PLPPR2: variants seen among roughly 807,000 people sequenced by gnomAD.
PLPPR2 encodes phospholipid phosphatase related 2.
A neutral mutation model predicts 40.3 loss-of-function variants in PLPPR2; 11 were observed. The observed-to-expected ratio is 0.27, with a 90% confidence interval of 0.17 to 0.45. The LOEUF (loss-of-function observed/expected upper bound fraction) is 0.45. PLPPR2 is among the 20% of genes least tolerant of loss of function. The pLI is 1.00. For missense variants in PLPPR2, 497 were observed against 640.7 expected, an observed-to-expected ratio of 0.78 and a Z score of 2.42; for synonymous variants, 260 against 290.8, an observed-to-expected ratio of 0.89 and a Z score of 1.08.
chr19:11,360,720 C>T (rs1968019236), intron 5 of PLPPR2, among the ~76,000 whole-genome samples: 1 of 151,976 alleles, frequency 6.6e-6, no homozygotes, highest in South Asian at 2.1e-4. Context: ...CAAGTAGTGG[C>T]TGTGGGAAAG....
Position 11,359,924 on chromosome 19 carries a change from G to GC in PLPPR2, c.365dup (p.Val123SerfsTer65), listed in dbSNP as rs1171931260. ...GTGTCTGGGGCCTGCTGCCGCTTCA[G>GC]CCCCCCAGTGCGGAGGCTGGTCCGC... On this transcript the variant is annotated frameshift_variant, in exon 5 of 10. Transcript: ENST00000688289. LOFTEE classifies it high-confidence loss of function. The surrounding 1 kb of genome is among the most constrained non-coding windows in gnomAD (Gnocchi z 5.6). The GC allele has an allele frequency of 6.2e-7, 1 of 1,611,746 alleles. No homozygotes were observed.
rs1968070700 is a variant in PLPPR2, at chr19:11,362,328, C to CA, written c.664-185_664-184insA. 1.7e-6 allele frequency: 1 copy of CA among 582,228 alleles called. No individual in the cohort carries two copies. The allele number at this position is 582,228 out of a possible 1,614,324, so 36.1% of individuals were successfully genotyped here. On this transcript the variant is annotated intron_variant, in intron 6 of 9. Coordinates refer to ENST00000688289, the MANE Select transcript of PLPPR2 (RefSeq NM_001393892.1). This position sits in a 1 kb window ranked among gnomAD's most constrained non-coding sequence, Gnocchi z 5.3. ...AAGACCTCAATCCCTGACCCCCCCC[C>CA]CTTTGCCTTTTTGGTCACGCTCCCT... is the stretch of plus-strand genomic sequence containing the variant.
In PLPPR2 at chr19:11,364,702, C is replaced by T; in HGVS notation, c.*12C>T. On this transcript the variant is annotated 3_prime_UTR_variant, in exon 10 of 10. Coordinates refer to ENST00000688289, the MANE Select transcript of PLPPR2 (RefSeq NM_001393892.1). This position sits in a 1 kb window ranked among gnomAD's most constrained non-coding sequence, Gnocchi z 5.8. ...ACCACCTGCTGTGAGGCCCGACCAC[C>T]CACCCAGAATCTGCCCAGTCCCCAC... The T allele has an allele frequency of 6.5e-7, 1 of 1,537,126 alleles. No individual in the cohort carries two copies. The highest frequency in any genetic ancestry group is 8.7e-7 in the Non-Finnish European group (1 of 1,146,828).
chr19:11,364,879 C>A lies in PLPPR2; in HGVS notation c.*189C>A, dbSNP rs918275680. 4.7e-5 allele frequency: 32 copies of A among 687,982 alleles called. No individual in the cohort carries two copies. The highest frequency in any genetic ancestry group is 6.8e-5 in the Non-Finnish European group (28 of 411,582). 42.6% of individuals were successfully genotyped at this position (687,982 alleles called of 1,614,324 possible). A position where few individuals can be genotyped will look rare whatever the true frequency, so the allele number is the denominator to read the frequency against. ...GCCCTCTGAGATATCCCGATGGGCA[C>A]AAATGGAAGGTGCGCACTTGCCCCT... On this transcript the variant is annotated 3_prime_UTR_variant, in exon 10 of 10. Transcript: ENST00000688289. The surrounding 1 kb of genome is among the most constrained non-coding windows in gnomAD (Gnocchi z 5.8).
rs367995460 is a variant in PLPPR2 at position 11,359,812 on chromosome 19, T to C, written c.256-9T>C. ...AGGCCAGAAGACTCCATCTTGGTCT[T>C]GCCCACAGATCCTGCTGGGAGAGCT... On this transcript the variant is annotated splice_polypyrimidine_tract_variant and intron_variant, in intron 4 of 9. Transcript: ENST00000688289. The surrounding 1 kb of genome is among the most constrained non-coding windows in gnomAD (Gnocchi z 5.6). 3.6e-5 allele frequency: 58 copies of C among 1,607,774 alleles called. No homozygotes were observed. The highest frequency in any genetic ancestry group is 4.7e-5 in the Non-Finnish European group (55 of 1,175,698).
At chr19:11,356,120 T>C (rs1056298815) in intron 1 of PLPPR2, among the ~76,000 whole-genome samples, 1 of 151,980 alleles carries the variant, frequency 6.6e-6, no homozygotes, top group African/African-American at 2.4e-5. Flanking sequence ...GGTCGTGCGC[T>C]GTGCACCTTT....
In PLPPR2 at chr19:11,364,067, T is replaced by C. The variant is rs1000171966; in HGVS notation, c.964-94T>C. ...TAATCATGAGAACTGTGGTTGTCTT[T>C]TCCATGGGGCTCTTCACCTGATGAG... On this transcript the variant is annotated intron_variant, in intron 8 of 9. Transcript: ENST00000688289. This position sits in a 1 kb window ranked among gnomAD's most constrained non-coding sequence, Gnocchi z 5.8. 9.2e-5 allele frequency: 137 copies of C among 1,485,452 alleles called. No individual in the cohort carries two copies. The highest frequency in any genetic ancestry group is 1.1e-4 in the Non-Finnish European group (124 of 1,099,476). The allele number at this position is 1,485,452 out of a possible 1,614,324, so 92.0% of individuals were successfully genotyped here.
rs534870320 is a variant in PLPPR2, at chr19:11,364,141, C to T, written c.964-20C>T. On this transcript the variant is annotated intron_variant, in intron 8 of 9. Coordinates refer to ENST00000688289, the MANE Select transcript of PLPPR2 (RefSeq NM_001393892.1). The surrounding 1 kb of genome is among the most constrained non-coding windows in gnomAD (Gnocchi z 5.8). ...GGCCCAGGGGGCCACTAGCCCCTTC[C>T]GTCTGTCTCTTTGTCTCAGGAACCC... is the stretch of plus-strand genomic sequence containing the variant. 23 of 1,605,930 alleles carry T rather than the reference C, an allele frequency of 1.4e-5. No homozygotes were observed. Among genetic ancestry groups the T allele is most frequent in the African/African-American group, 6.7e-5 (5 of 74,828 alleles).
Position 11,363,666 on chromosome 19 carries a change from A to G in PLPPR2, c.841-47A>G. Reference sequence around the variant, plus strand: ...TGGGGATGGTATTTACATGGCTCCTATGTGACTTGCCCCAGGCCTCAACAC... The same window carrying G: ...TGGGGATGGTATTTACATGGCTCCTGTGTGACTTGCCCCAGGCCTCAACAC... On this transcript the variant is annotated intron_variant, in intron 7 of 9. Coordinates refer to ENST00000688289, the MANE Select transcript of PLPPR2 (RefSeq NM_001393892.1). The surrounding 1 kb of genome is among the most constrained non-coding windows in gnomAD (Gnocchi z 4.8). 1.9e-6 allele frequency: 3 copies of G among 1,564,982 alleles called. No individual in the cohort carries two copies. The highest frequency in any genetic ancestry group is 2.3e-5 in the South Asian group (2 of 87,100).
In PLPPR2 at chr19:11,359,600, C is replaced by T. The variant is rs1344073636; in HGVS notation, c.135C>T (p.His45=). 1.9e-6 allele frequency: 3 copies of T among 1,611,216 alleles called. No individual in the cohort carries two copies. The highest frequency in any genetic ancestry group is 2.7e-5 in the African/African-American group (2 of 74,906). Residue 45 remains histidine (H), a synonymous_variant, in exon 4 of 10, where the codon CAC becomes CAT. Transcript: ENST00000688289. The surrounding 1 kb of genome is among the most constrained non-coding windows in gnomAD (Gnocchi z 5.6). ...RLEFTDTFPV[H]TQGFFCYDST... ...AGTTCACGGACACCTTCCCTGTGCA[C>T]ACCCAGGGATTCTTCTGCTATGACA...
rs1054201556 is a variant in PLPPR2 at position 11,358,048 on chromosome 19, T to C, written c.66+309T>C. ...TGTTCTCTGTGTGTGTGTGTGTGTG[T>C]GTGTGTGTGTGTGTACGTGTGTTTG... On this transcript the variant is annotated intron_variant, in intron 3 of 9. Transcript: ENST00000688289. Among the ~76,000 whole-genome samples, 9 of 69,286 alleles carry C rather than the reference T, an allele frequency of 1.3e-4. No homozygotes were observed. In the Admixed American group the frequency reaches 1.3e-3, roughly 10 times the overall value. 45.5% of individuals were successfully genotyped at this position (69,286 alleles called of 152,430 possible). A position where few individuals can be genotyped will look rare whatever the true frequency, so the allele number is the denominator to read the frequency against.
rs1399105823 is a variant in PLPPR2 at position 11,360,014 on chromosome 19, GAAA to G, written c.391+60_391+62del. On this transcript the variant is annotated intron_variant, in intron 5 of 9. Coordinates refer to ENST00000688289, the MANE Select transcript of PLPPR2 (RefSeq NM_001393892.1). ...TAATGGTGGGGAGGTGGGTATAGAA[GAAA>G]AGAGTCATGGGCCTGACAGTCATAA... The G allele has an allele frequency of 2.0e-6, 3 of 1,526,814 alleles. No homozygotes were observed. In the Admixed American group the frequency reaches 6.0e-5, roughly 30 times the overall value. The allele number at this position is 1,526,814 out of a possible 1,614,324, so 94.6% of individuals were successfully genotyped here. A position where few individuals can be genotyped will look rare whatever the true frequency, so the allele number is the denominator to read the frequency against.
At chr19:11,358,192 C>T (rs546862100) in intron 3 of PLPPR2, among the ~76,000 whole-genome samples, 4 of 152,078 alleles carry the variant, frequency 2.6e-5, no homozygotes, top group East Asian at 1.9e-4. Flanking sequence ...GTAGCTGAGA[C>T]TACAGGTGTG....
rs1430267118 is a variant in PLPPR2 at position 11,361,056 on chromosome 19, A to G, written c.392-161A>G. On this transcript the variant is annotated intron_variant, in intron 5 of 9. Transcript: ENST00000688289. The surrounding 1 kb of genome is among the most constrained non-coding windows in gnomAD (Gnocchi z 6.3). ...CCCTGGGGGCAGGAGGCCTCAGAGT[A>G]CCTTCATGGTGGTCTTAAAGGAAGG... Among the ~76,000 whole-genome samples, 1 of 151,890 alleles carries G rather than the reference A, an allele frequency of 6.6e-6. No homozygotes were observed. Among genetic ancestry groups the G allele is most frequent in the Non-Finnish European group, 1.5e-5 (1 of 67,932 alleles).
At position 11,361,518 on chromosome 19, in the gene PLPPR2, T is replaced by C. The variant is rs377066610; in HGVS notation, c.663+30T>C. ...GCTTCGGGAGCTTCGGGGTCGGAAA[T>C]GGGTGTGCAGGCTGGACAGCGACCA... On this transcript the variant is annotated intron_variant, in intron 6 of 9. Transcript: ENST00000688289. This position sits in a 1 kb window ranked among gnomAD's most constrained non-coding sequence, Gnocchi z 6.3. 5.7e-6 allele frequency: 9 copies of C among 1,573,076 alleles called. No homozygotes were observed. In the East Asian group the frequency reaches 6.7e-5, roughly 12 times the overall value.
rs755856911 is a variant in PLPPR2, at chr19:11,364,314, C to T, written c.1016-33C>T. The stretch of plus-strand genomic sequence containing the variant: ...GCCTTTATGCTGCCTCCCGAGTTTT[C>T]TGATCCCCTGATATCTGGCTTCTGA... On this transcript the variant is annotated intron_variant, in intron 9 of 9. Coordinates refer to ENST00000688289, the MANE Select transcript of PLPPR2 (RefSeq NM_001393892.1). This position sits in a 1 kb window ranked among gnomAD's most constrained non-coding sequence, Gnocchi z 5.8. 6 of 1,521,588 alleles carry T rather than the reference C, an allele frequency of 3.9e-6. No homozygotes were observed. Among genetic ancestry groups the T allele is most frequent in the African/African-American group, 1.4e-5 (1 of 71,950 alleles). The allele number at this position is 1,521,588 out of a possible 1,614,324, so 94.3% of individuals were successfully genotyped here.
Position 11,361,805 on chromosome 19 carries a change from C to G in PLPPR2, c.663+317C>G, listed in dbSNP as rs1968054460. On this transcript the variant is annotated intron_variant, in intron 6 of 9. Transcript: ENST00000688289. This position sits in a 1 kb window ranked among gnomAD's most constrained non-coding sequence, Gnocchi z 6.3. Reference sequence around the variant, plus strand: ...GTCCCTGATGTGCAAGACTCGGAACCCCTATAGCCTAGCCAGGCCCCCAGG... The same window carrying G: ...GTCCCTGATGTGCAAGACTCGGAACGCCTATAGCCTAGCCAGGCCCCCAGG... 6.6e-6 allele frequency among the ~76,000 whole-genome samples: 1 copy of G among 152,090 alleles called. No homozygotes were observed.
intron 3 of PLPPR2, among the ~76,000 whole-genome samples, chr19:11,358,118 A>C (rs1480539955): frequency 6.6e-6 from 1 of 151,650 alleles, no homozygotes; most frequent in Non-Finnish European, 1.5e-5. Flanking sequence ...GCAGTGGCAT[A>C]ATCTCGGTTT....
chr19:11,357,525 G>A (rs1568318923), intron 2 of PLPPR2, 135 bp from the exon 3 acceptor site: 5 of 560,036 alleles, frequency 8.9e-6, no homozygotes, highest in Non-Finnish European at 1.2e-5. Flanking sequence ...TCAAGGGACA[G>A]AGTCAGGGCC....
Sources: gnomAD v4.1 joint callset for allele counts (sites outside exome capture counted in the v4.1 genomes callset) on GRCh38, gnomAD v4.1.1 for gene constraint, Gnocchi (gnomAD v3.1) non-coding constraint, MANE v1.5 for transcripts, NCBI Gene and HGNC (gene_info 2026-07-23, HGNC 2026-07-21) for gene names.